Variants in CCDC150 observed in about 807,000 individuals in gnomAD.
The protein encoded by CCDC150 is coiled-coil domain-containing protein 150.
In CCDC150, 151 loss-of-function variants were observed where a neutral mutation model predicts 156.5. That is an observed-to-expected ratio of 0.97 (90% CI 0.85 to 1.10). The LOEUF is 1.10. Among genes scored for constraint, CCDC150 ranks in the 50% least tolerant of loss-of-function variants. The pLI is 0.00. For synonymous variants in CCDC150, 452 were observed against 429.4 expected, an observed-to-expected ratio of 1.05 and a Z score of -0.65; for missense variants, 1,312 against 1,268.1, an observed-to-expected ratio of 1.03 and a Z score of -0.53.
Position 196,706,940 on chromosome 2 carries a change from A to G in CCDC150, c.1696-5205A>G, listed in dbSNP as rs190266816. The stretch of plus-strand genomic sequence containing the variant: ...GTATTTTATTGAGGATTTTCACATC[A>G]ATGTTCATCAGGGATATTGGTCTAA... On this transcript the variant is annotated intron_variant, in intron 15 of 27. Transcript: ENST00000389175. Among the ~76,000 whole-genome samples, 330 of 152,150 alleles carry G rather than the reference A, an allele frequency of 2.2e-3. 2 individuals carry two copies. The highest frequency in any genetic ancestry group is 7.3e-3 in the African/African-American group (303 of 41,442).
intron 1 of CCDC150, among the ~76,000 whole-genome samples, chr2:196,640,583 A>G (rs543146569): frequency 5.3e-4 from 80 of 152,306 alleles, no homozygotes; most frequent in African/African-American, 1.9e-3. Flanking sequence ...ACTACTCTTT[A>G]TCTTTTCCAC....
chr2:196,682,323 G>T (rs1042179839), intron 13 of CCDC150, among the ~76,000 whole-genome samples: 20 of 151,918 alleles, frequency 1.3e-4, no homozygotes, highest in Non-Finnish European at 2.2e-4. Context: ...CTATATGTCT[G>T]TCGTTATGCT....
In CCDC150 at chr2:196,732,033, A is replaced by G. The variant is rs903765866; in HGVS notation, c.3070A>G (p.Ile1024Val). The G allele has an allele frequency of 5.6e-6, 9 of 1,613,536 alleles. No homozygotes were observed. The African/African-American group carries it at 9.3e-5, about 17-fold the overall frequency. The change falls in exon 27 of 28, where the codon ATA (isoleucine) becomes GTA (valine). Residue 1024 changes from isoleucine (I) to valine (V), a missense_variant and splice_region_variant. Coordinates refer to ENST00000389175, the MANE Select transcript of CCDC150 (RefSeq NM_001080539.2). ...LKEASVESEQ[I>V]TANLEEAHRW... ...TTAATGGTGATATTTATATGTTCAGATAACAGCTAATCTGGAAGAAGCTCA... is the reference window on the plus strand; with the variant it reads ...TTAATGGTGATATTTATATGTTCAGGTAACAGCTAATCTGGAAGAAGCTCA...
At chr2:196,672,200 C>A in intron 8 of CCDC150, 145 bp from the exon 9 acceptor site, 1 of 413,670 alleles carries the variant, frequency 2.4e-6, no homozygotes. Flanking sequence ...GATTTTTATA[C>A]ATTCTTTATA....
At chr2:196,712,443 A>G in intron 16 of CCDC150, 191 bp downstream of exon 16, 1 of 573,324 alleles carries the variant, frequency 1.7e-6, no homozygotes, top group Non-Finnish European at 3.1e-6. Context: ...AATTGTAAAG[A>G]TACCTGAAGC....
intron 21 of CCDC150, among the ~76,000 whole-genome samples, chr2:196,723,121 G>A (rs1367041767): frequency 6.6e-6 from 1 of 152,140 alleles, no homozygotes; most frequent in Non-Finnish European, 1.5e-5. Flanking sequence ...GAACTTGCTG[G>A]GTTTCAGGTA....
At chr2:196,692,646 T>C (rs563091827) in intron 13 of CCDC150, among the ~76,000 whole-genome samples, 8 of 152,262 alleles carry the variant, frequency 5.3e-5, no homozygotes, top group Non-Finnish European at 1.2e-4. Context: ...TGAATGGATT[T>C]CTTAGTCTTG....
At position 196,648,860 on chromosome 2, in the gene CCDC150, A is replaced by G. The variant is rs1011878485; in HGVS notation, c.176+2356A>G. Among the ~76,000 whole-genome samples, 12 of 152,086 alleles carry G rather than the reference A, an allele frequency of 7.9e-5. 1 individual carries two copies. The highest frequency in any genetic ancestry group is 7.9e-4 in the Admixed American group (12 of 15,258). ...CCCAATTTCATTCTTCTGTATGTGGATAGTCAGTTTTCCTAATACTTGGTT... is the reference window on the plus strand; with the variant it reads ...CCCAATTTCATTCTTCTGTATGTGGGTAGTCAGTTTTCCTAATACTTGGTT... On this transcript the variant is annotated intron_variant, in intron 2 of 27. Coordinates refer to ENST00000389175, the MANE Select transcript of CCDC150 (RefSeq NM_001080539.2).
intron 15 of CCDC150, among the ~76,000 whole-genome samples, chr2:196,708,124 T>A: frequency 6.6e-6 from 1 of 152,176 alleles, no homozygotes; most frequent in East Asian, 1.9e-4. Context: ...TCTCCCACTA[T>A]TATTGTGTGG....
At chr2:196,668,407 G>C (rs1264648927) in intron 7 of CCDC150, among the ~76,000 whole-genome samples, 1 of 151,150 alleles carries the variant, frequency 6.6e-6, no homozygotes, top group Non-Finnish European at 1.5e-5. Context: ...TATTATATTA[G>C]TTGGCCCTCT....
rs751080342 is a variant in CCDC150, at chr2:196,658,818, A to C, written c.603A>C (p.Glu201Asp). Reference sequence around the variant, plus strand: ...AGAATGCAGCCATTATTGAAGAGGAACTGAAGACCACAAAACGTAAAATGA... The same window carrying C: ...AGAATGCAGCCATTATTGAAGAGGACCTGAAGACCACAAAACGTAAAATGA... ...TKKNAAIIEE[E>D]LKTTKRKMNL... Residue 201 changes from glutamate to aspartate, a missense_variant, in exon 5 of 28, where the codon GAA becomes GAC. Transcript: ENST00000389175. 7 of 1,606,032 alleles carry C rather than the reference A, an allele frequency of 4.4e-6. No homozygotes were observed. The Admixed American group carries it at 1.2e-4, about 27-fold the overall frequency.
At chr2:196,709,116 G>T (rs893978698) in intron 15 of CCDC150, among the ~76,000 whole-genome samples, 2 of 152,136 alleles carry the variant, frequency 1.3e-5, no homozygotes, top group South Asian at 2.1e-4. Context: ...TTGGTTCCAT[G>T]CTCCCTGTCA....
chr2:196,666,759 C>T lies in CCDC150; in HGVS notation c.803C>T (p.Ser268Phe). 1.2e-6 allele frequency: 2 copies of T among 1,611,918 alleles called. No homozygotes were observed. Among genetic ancestry groups the T allele is most frequent in the African/African-American group, 2.7e-5 (2 of 74,844 alleles). ...LQQNCIALRD[S>F]IQSAQELLAQ... is the part of the protein sequence containing the mutation. ...CAAAACTGCATTGCTCTACGTGATTCTATACAGAGCGCTCAAGAACTACTG... is the reference window on the plus strand; with the variant it reads ...CAAAACTGCATTGCTCTACGTGATTTTATACAGAGCGCTCAAGAACTACTG... Residue 268 changes from serine (S) to phenylalanine (F), a missense_variant, in exon 7 of 28, where the codon TCT becomes TTT. Transcript: ENST00000389175.
At chr2:196,720,766 GT>G in intron 20 of CCDC150, 98 bp downstream of exon 20, 2 of 1,070,992 alleles carry the variant, frequency 1.9e-6, no homozygotes, top group Non-Finnish European at 1.4e-6. Flanking sequence ...TCAGGTAAAT[GT>G]TTTTTTCAAT....
chr2:196,692,316 A>G (rs1246951218), intron 13 of CCDC150, among the ~76,000 whole-genome samples: 1 of 150,500 alleles, frequency 6.6e-6, no homozygotes, highest in Non-Finnish European at 1.5e-5. Context: ...TTGTATTTTT[A>G]GTAGAGACGG....
intron 1 of CCDC150, among the ~76,000 whole-genome samples, chr2:196,642,496 T>C (rs987006702): frequency 1.3e-5 from 2 of 152,170 alleles, no homozygotes; most frequent in African/African-American, 4.8e-5. Flanking sequence ...CCCAACTTGG[T>C]AGATTAATTT....
chr2:196,714,740 C>T (rs1345654856), intron 17 of CCDC150, among the ~76,000 whole-genome samples: 1 of 152,122 alleles, frequency 6.6e-6, no homozygotes, highest in African/African-American at 2.4e-5. Context: ...TCTCCTGCCT[C>T]ACTACTATTT....
rs551847233 is a variant in CCDC150 at position 196,701,957 on chromosome 2, C to T, written c.1695+777C>T. 3.3e-5 allele frequency among the ~76,000 whole-genome samples: 5 copies of T among 152,120 alleles called. No homozygotes were observed. The East Asian group carries it at 5.8e-4, about 18-fold the overall frequency. On this transcript the variant is annotated intron_variant, in intron 15 of 27. Transcript: ENST00000389175. ...TTATAAAATGTTGGGGGAGGCTGTG[C>T]GTGGTGGTTCATACCTGATCCCAAC... is the stretch of plus-strand genomic sequence containing the variant.
intron 5 of CCDC150, 64 bp from the exon 6 acceptor site, chr2:196,665,503 A>G: frequency 2.2e-6 from 2 of 889,592 alleles, no homozygotes; most frequent in Non-Finnish European, 3.5e-6. Flanking sequence ...TTCTCAGGTA[A>G]CTTTGATCTT....
Sources: gnomAD v4.1 joint callset for allele counts (sites outside exome capture counted in the v4.1 genomes callset) on GRCh38, gnomAD v4.1.1 for gene constraint, MANE v1.5 for transcripts, NCBI Gene and HGNC (gene_info 2026-07-23, HGNC 2026-07-21) for gene names.